GRK6: variants seen among roughly 807,000 people sequenced by gnomAD.
GRK6 encodes G protein-coupled receptor kinase 6.
GRK6 carries 37 observed loss-of-function variants against 80.8 expected under a neutral mutation model. That is an observed-to-expected ratio of 0.46 (90% CI 0.35 to 0.60). The LOEUF (loss-of-function observed/expected upper bound fraction) is 0.60, where lower values mean the gene tolerates loss of function less well. Ranked by LOEUF, GRK6 falls within the 20% of genes least tolerant of loss-of-function variation. The probability of loss-of-function intolerance (pLI) is 0.00; values close to 1 mark genes in which losing one functional copy is unlikely to be tolerated. For missense variants in GRK6, 560 were observed against 784.6 expected (o/e 0.71, Z 3.42); for synonymous variants, 295 against 320.9 (o/e 0.92, Z 0.86).
rs368579028 is a variant in GRK6 at position 177,436,236 on chromosome 5, G to A, written c.1221G>A (p.Glu407=). The A allele has an allele frequency of 1.3e-4, 212 of 1,614,036 alleles. No individual in the cohort carries two copies. The highest frequency in any genetic ancestry group is 4.9e-4 in the Middle Eastern group (3 of 6,082). Residue 407 remains glutamate, a synonymous_variant, in exon 12 of 16, where the codon GAG becomes GAA. Coordinates refer to ENST00000355472, the MANE Select transcript of GRK6 (RefSeq NM_001004106.3). ...VERLVKEVPE[E]YSERFSPQAR... is the part of the protein sequence containing the mutation. Reference sequence around the variant, plus strand: ...GGCTGGTGAAGGAGGTCCCCGAGGAGTATTCCGAGCGCTTTTCCCCGCAGG... The same window carrying A: ...GGCTGGTGAAGGAGGTCCCCGAGGAATATTCCGAGCGCTTTTCCCCGCAGG...
In GRK6 at chr5:177,432,734, G is replaced by A. The variant is rs139248624; in HGVS notation, c.368G>A (p.Arg123Gln). The stretch of plus-strand genomic sequence containing the variant: ...CCTGACCTCATCCCTGAGGTCCCCC[G>A]GCAGCTGGTGACGAACTGCACCCAG... ...TGPDLIPEVP[R>Q]QLVTNCTQRL... The change falls in exon 5 of 16, where the codon CGG (arginine) becomes CAG (glutamine). Residue 123 changes from arginine to glutamine, a missense_variant. By Grantham distance (43) the Arg-to-Gln change is conservative. Transcript: ENST00000355472. The A allele has an allele frequency of 9.9e-5, 160 of 1,610,642 alleles. No individual in the cohort carries two copies. The highest frequency in any genetic ancestry group is 2.2e-4 in the Admixed American group (13 of 59,762).
chr5:177,433,070 G>A, intron 5 of GRK6, 77 bp from the exon 6 acceptor site: 1 of 1,280,776 alleles, frequency 7.8e-7, no homozygotes, highest in Non-Finnish European at 1.1e-6. Flanking sequence ...GTACAGAACG[G>A]GAGGCCTGGC....
Position 177,442,117 on chromosome 5 carries a change from T to A in GRK6, c.*327T>A. On this transcript the variant is annotated 3_prime_UTR_variant, in exon 16 of 16. Transcript: ENST00000355472. ...GACCTGGCGCCCCCGCCTTGGCTCCTGGGGGCAGCCAGCCCTGGCTGGGAG... is the reference window on the plus strand; with the variant it reads ...GACCTGGCGCCCCCGCCTTGGCTCCAGGGGGCAGCCAGCCCTGGCTGGGAG... 1 of 345,014 alleles carries A rather than the reference T, an allele frequency of 2.9e-6. No individual in the cohort carries two copies. Among genetic ancestry groups the A allele is most frequent in the Non-Finnish European group, 5.3e-6 (1 of 188,724 alleles). The allele number at this position is 345,014 out of a possible 1,614,324, so 21.4% of individuals were successfully genotyped here.
rs1006142338 is a variant in GRK6 at position 177,441,885 on chromosome 5, A to G, written c.*95A>G. 9 of 1,146,646 alleles carry G rather than the reference A, an allele frequency of 7.8e-6. No individual in the cohort carries two copies. Among genetic ancestry groups the G allele is most frequent in the Admixed American group, 3.6e-5 (2 of 55,668 alleles). 71.0% of individuals were successfully genotyped at this position (1,146,646 alleles called of 1,614,324 possible). On this transcript the variant is annotated 3_prime_UTR_variant, in exon 16 of 16. Coordinates refer to ENST00000355472, the MANE Select transcript of GRK6 (RefSeq NM_001004106.3). ...CAGTGATCTTCCCCATTGTCCACTC[A>G]AGTCGTGGCCTGGGGAACACAGACG...
At chr5:177,441,460 G>A in intron 15 of GRK6, 1 of 650,862 alleles carries the variant, frequency 1.5e-6, no homozygotes, top group Non-Finnish European at 2.6e-6. Flanking sequence ...GCCAGCCCCA[G>A]GGGAGAGGGC....
chr5:177,437,873 G>A (rs1193951342), intron 13 of GRK6, among the ~76,000 whole-genome samples: 2 of 152,212 alleles, frequency 1.3e-5, no homozygotes, highest in Admixed American at 6.5e-5. Flanking sequence ...CCGAAGGATG[G>A]GCAGGGCAGG....
chr5:177,426,843 C>G lies in GRK6; in HGVS notation c.-3C>G. 3.0e-6 allele frequency: 4 copies of G among 1,311,968 alleles called. No individual in the cohort carries two copies. Among genetic ancestry groups the G allele is most frequent in the Non-Finnish European group, 3.9e-6 (4 of 1,024,178 alleles). The allele number at this position is 1,311,968 out of a possible 1,614,324, so 81.3% of individuals were successfully genotyped here. ...CCCGGCGGGCCAGGCGGCGCCACAG[C>G]CCATGGAGCTCGAGAACATCGTAGC... is the stretch of plus-strand genomic sequence containing the variant. On this transcript the variant is annotated 5_prime_UTR_variant, in exon 1 of 16. Transcript: ENST00000355472.
Position 177,436,231 on chromosome 5 carries a change from G to A in GRK6, c.1216G>A (p.Glu406Lys). The change falls in exon 12 of 16, where the codon GAG (glutamate) becomes AAG (lysine). Residue 406 changes from glutamate to lysine, a missense_variant. Physicochemically the swap from Glu to Lys is moderately conservative, Grantham distance 56. Around this residue, in one of 3 missense-constraint regions of GRK6, gnomAD observed 294 missense variants for 397.4 expected, o/e 0.74. Transcript: ENST00000355472. Reference sequence around the variant, plus strand: ...GGAGCGGCTGGTGAAGGAGGTCCCCGAGGAGTATTCCGAGCGCTTTTCCCC... The same window carrying A: ...GGAGCGGCTGGTGAAGGAGGTCCCCAAGGAGTATTCCGAGCGCTTTTCCCC... ...EVERLVKEVP[E>K]EYSERFSPQA... The A allele has an allele frequency of 1.2e-6, 2 of 1,614,148 alleles. No individual in the cohort carries two copies. Among genetic ancestry groups the A allele is most frequent in the Non-Finnish European group, 1.7e-6 (2 of 1,180,024 alleles).
intron 11 of GRK6, 116 bp from the exon 12 acceptor site, chr5:177,435,957 C>A (rs2127376793): frequency 1.2e-6 from 1 of 843,624 alleles, no homozygotes; most frequent in South Asian, 1.6e-5. Flanking sequence ...GGCCAAGGTC[C>A]CCCCTGGCCA....
At position 177,442,231 on chromosome 5, in the gene GRK6, C is replaced by A. The variant is rs190114174; in HGVS notation, c.*441C>A. ...GAGGGTGGTCACACCCCTGAGCCTT[C>A]AGCACTGTGCTGGCCACCCCGGCCT... On this transcript the variant is annotated 3_prime_UTR_variant, in exon 16 of 16. Coordinates refer to ENST00000355472, the MANE Select transcript of GRK6 (RefSeq NM_001004106.3). 105 of 209,858 alleles carry A rather than the reference C, an allele frequency of 5.0e-4. 1 individual carries two copies. In the East Asian group the frequency reaches 0.015, roughly 29 times the overall value. 13.0% of individuals were successfully genotyped at this position (209,858 alleles called of 1,614,324 possible).
Position 177,426,823 on chromosome 5 carries a change from C to A in GRK6, c.-23C>A. ...GATCCCGGCCGGCGGCGCGGCCCGG[C>A]GGGCCAGGCGGCGCCACAGCCCATG... On this transcript the variant is annotated 5_prime_UTR_variant, in exon 1 of 16. Transcript: ENST00000355472. 3 of 1,203,460 alleles carry A rather than the reference C, an allele frequency of 2.5e-6. No homozygotes were observed. The highest frequency in any genetic ancestry group is 1.6e-5 in the African/African-American group (1 of 63,186). The allele number at this position is 1,203,460 out of a possible 1,614,324, so 74.5% of individuals were successfully genotyped here.
chr5:177,431,206 G>A (rs1763875655), intron 2 of GRK6, among the ~76,000 whole-genome samples: 1 of 152,218 alleles, frequency 6.6e-6, no homozygotes, highest in Non-Finnish European at 1.5e-5. Context: ...ATAGGGCAGG[G>A]GCAGATTGGG....
Position 177,440,891 on chromosome 5 carries a change from G to T in GRK6, c.1543-28G>T, listed in dbSNP as rs756636818. 8.1e-6 allele frequency: 13 copies of T among 1,613,708 alleles called. No homozygotes were observed. In the Admixed American group the frequency reaches 1.5e-4, roughly 19 times the overall value. On this transcript the variant is annotated intron_variant, in intron 14 of 15. Transcript: ENST00000355472. ...GCTCCAGGAGGCTGCCCTGGGGACA[G>T]CTGTCACAGCCGCCTGCTCCTCAGC...
chr5:177,433,171 G>C lies in GRK6; in HGVS notation c.465G>C (p.Val155=), dbSNP rs1489938359. 6.2e-7 allele frequency: 1 copy of C among 1,613,980 alleles called. No individual in the cohort carries two copies. Among genetic ancestry groups the C allele is most frequent in the African/African-American group, 1.3e-5 (1 of 74,946 alleles). ...LTRLTHEYLS[V]APFADYLDSI... ...GGCTGACCCACGAGTACCTGAGCGT[G>C]GCCCCTTTTGCCGACTACCTCGACA... Residue 155 remains valine (V), a synonymous_variant, in exon 6 of 16, where the codon GTG becomes GTC. Transcript: ENST00000355472.
chr5:177,441,048 C>T lies in GRK6; in HGVS notation c.1672C>T (p.Arg558Cys), dbSNP rs1244607954. Residue 558 changes from arginine to cysteine, a missense_variant, in exon 15 of 16, where the codon CGC becomes TGC. This residue lies in a region of GRK6 where 294 missense variants were observed against 397.4 expected (regional missense o/e 0.74). Transcript: ENST00000355472. ...GGGACTGCTGCAGAGACTCTTCAGT[C>T]GCCAAGTAAGCCCCAGCAGCGGCCT... ...KKGLLQRLFSRQDCCGNCSDS... is the reference protein window; with the variant it reads ...KKGLLQRLFSCQDCCGNCSDS... The T allele has an allele frequency of 2.5e-6, 4 of 1,613,720 alleles. No homozygotes were observed. The highest frequency in any genetic ancestry group is 2.2e-5 in the South Asian group (2 of 91,028).
chr5:177,433,474 C>A (rs2127374270), intron 7 of GRK6, 62 bp from the exon 8 acceptor site: 1 of 1,611,628 alleles, frequency 6.2e-7, no homozygotes, highest in East Asian at 2.2e-5. Context: ...ACCTGGACCA[C>A]CCCCTGGATG....
In GRK6 at chr5:177,432,064, C is replaced by T. The variant is rs56382815; in HGVS notation, c.218C>T (p.Thr73Met). The T allele has an allele frequency of 1.3e-5, 21 of 1,612,772 alleles. No homozygotes were observed. In the East Asian group the frequency reaches 3.3e-4, roughly 26 times the overall value. ...CTGCTGTTCCGAGAGTTCTGTGCCA[C>T]GAGGCCGGAGCTGAGCCGCTGCGTC... The part of the protein sequence containing the change: ...GRLLFREFCA[T>M]RPELSRCVAF... Residue 73 changes from threonine (T) to methionine (M), a missense_variant, in exon 3 of 16, where the codon ACG becomes ATG. Transcript: ENST00000355472.
chr5:177,435,875 C>T (rs1279847353), intron 11 of GRK6, among the ~76,000 whole-genome samples, 198 bp from the exon 12 acceptor site: 1 of 152,214 alleles, frequency 6.6e-6, no homozygotes, highest in Non-Finnish European at 1.5e-5. Context: ...AATCTGAAGA[C>T]CCGGGGACCC....
chr5:177,434,588 G>T (rs1764057440), intron 9 of GRK6, among the ~76,000 whole-genome samples: 1 of 152,178 alleles, frequency 6.6e-6, no homozygotes, highest in Non-Finnish European at 1.5e-5. Flanking sequence ...AGTCCCATTT[G>T]ATAGAGAGGA....
Sources: allele counts gnomAD v4.1 joint callset (sites outside exome capture counted in the v4.1 genomes callset), GRCh38; gene constraint gnomAD v4.1.1; regional missense constraint gnomAD v4.1.1; transcripts MANE v1.5; gene names NCBI Gene and HGNC (gene_info 2026-07-23, HGNC 2026-07-21).